The following BRWD1 variants were observed in gnomAD, a reference collection of about 807,000 sequenced individuals.
BRWD1 encodes bromodomain and WD repeat domain containing 1, also known as bromodomain and WD repeat-containing protein 1.
In BRWD1, 82 loss-of-function variants were observed where a neutral mutation model predicts 251.2. The observed-to-expected ratio is 0.33, with a 90% CI of 0.27 to 0.39. The LOEUF (loss-of-function observed/expected upper bound fraction) is 0.39, where lower values mean the gene tolerates loss of function less well. Among genes scored for constraint, BRWD1 ranks in the 10% least tolerant of loss-of-function variants. The probability of loss-of-function intolerance (pLI) is 1.00; values close to 1 mark genes in which losing one functional copy is unlikely to be tolerated. For missense variants in BRWD1, 2,233 were observed against 2,711.6 expected, an observed-to-expected ratio of 0.82 and a Z score of 3.92; for synonymous variants, 918 against 902.8, an observed-to-expected ratio of 1.02 and a Z score of -0.30.
intron 35 of BRWD1, among the ~76,000 whole-genome samples, chr21:39,210,493 C>T (rs2032607892): frequency 6.6e-6 from 1 of 151,996 alleles, no homozygotes; most frequent in Non-Finnish European, 1.5e-5. Flanking sequence ...CACGTTTATC[C>T]AATTCACAGT....
At chr21:39,237,711 C>T (rs2033858035) in intron 22 of BRWD1, among the ~76,000 whole-genome samples, 1 of 151,990 alleles carries the variant, frequency 6.6e-6, no homozygotes, top group Admixed American at 6.6e-5. Flanking sequence ...TTCCGTTTTG[C>T]AAGATAAACA....
At chr21:39,269,420 A>G (rs2035032516) in intron 15 of BRWD1, among the ~76,000 whole-genome samples, 1 of 151,926 alleles carries the variant, frequency 6.6e-6, no homozygotes, top group African/African-American at 2.4e-5. Context: ...CTCCTGTCTC[A>G]GCCTCCCAAA....
chr21:39,221,317 G>A (rs577255437), intron 29 of BRWD1, among the ~76,000 whole-genome samples: 33 of 152,194 alleles, frequency 2.2e-4, no homozygotes, highest in African/African-American at 7.5e-4. Flanking sequence ...AAATGTGTAT[G>A]AAACAAATAT....
At position 39,196,292 on chromosome 21, in the gene BRWD1, T is replaced by A. The variant is rs1204641609; in HGVS notation, c.6777A>T (p.Glu2259Asp). Reference protein sequence around the residue: ...YHDGDDDRSLENVLDFNGCTL With the variant: ...YHDGDDDRSLDNVLDFNGCTL ...TGCAACCATTGAAATCTAACACATT[T>A]TCTAAACTTCTGTCATCATCCCCAT... The change falls in exon 41 of 41, where the codon GAA becomes GAT. Residue 2259 changes from glutamate (E) to aspartate (D), a missense_variant. Physicochemically the swap from Glu to Asp is conservative, Grantham distance 45 (BLOSUM62 2). Transcript: ENST00000342449. 4 of 1,607,640 alleles carry A rather than the reference T, an allele frequency of 2.5e-6. No homozygotes were observed. The highest frequency in any genetic ancestry group is 2.5e-6 in the Non-Finnish European group (3 of 1,177,170).
chr21:39,289,878 A>G (rs937992936), intron 8 of BRWD1, among the ~76,000 whole-genome samples: 14 of 151,854 alleles, frequency 9.2e-5, no homozygotes, highest in Non-Finnish European at 1.8e-4. Context: ...ACAAAAAATT[A>G]GCCGGACGTG....
intron 26 of BRWD1, 74 bp downstream of exon 26, chr21:39,229,238 G>A (rs1379906433): frequency 1.6e-6 from 2 of 1,275,896 alleles, no homozygotes; most frequent in African/African-American, 1.5e-5. Context: ...AAATGGGAAG[G>A]GCATGCTAAT....
chr21:39,292,545 G>A (rs2035847142), intron 8 of BRWD1, among the ~76,000 whole-genome samples: 1 of 152,118 alleles, frequency 6.6e-6, no homozygotes, highest in Non-Finnish European at 1.5e-5. Context: ...GAAACTTTGG[G>A]AGTAGTGCCT....
At chr21:39,297,342 T>C (rs549693657) in intron 5 of BRWD1, 1 of 985,468 alleles carries the variant, frequency 1.0e-6, no homozygotes, top group East Asian at 1.1e-4. Flanking sequence ...TTACAAGGCA[T>C]CCTCCTGGGG....
Position 39,313,261 on chromosome 21 carries a change from G to A in BRWD1, c.88C>T (p.Pro30Ser). The A allele has an allele frequency of 6.4e-7, 1 of 1,550,716 alleles. No individual in the cohort carries two copies. The highest frequency in any genetic ancestry group is 8.7e-7 in the Non-Finnish European group (1 of 1,144,970). Reference sequence around the variant, plus strand: ...CTCACCTGGGCCGCTCTCCGACACGGGCCCGCCGATAGGTACCGGGCGATA... The same window carrying A: ...CTCACCTGGGCCGCTCTCCGACACGAGCCCGCCGATAGGTACCGGGCGATA... Reference protein sequence around the residue: ...FLIARYLSAGPCRRAAQVLVQ... With the variant: ...FLIARYLSAGSCRRAAQVLVQ... The change falls in exon 2 of 41, where the codon CCG becomes TCG. Residue 30 changes from proline to serine, a missense_variant. Pro to Ser is a moderately conservative substitution (Grantham distance 74). Transcript: ENST00000342449.
At chr21:39,268,297 G>A (rs1345685122) in intron 15 of BRWD1, among the ~76,000 whole-genome samples, 1 of 151,970 alleles carries the variant, frequency 6.6e-6, no homozygotes, top group African/African-American at 2.4e-5. Flanking sequence ...AAAATTAGCT[G>A]GATGTGATGG....
At chr21:39,239,144 T>C (rs1446579136) in intron 21 of BRWD1, among the ~76,000 whole-genome samples, 1 of 152,190 alleles carries the variant, frequency 6.6e-6, no homozygotes, top group Non-Finnish European at 1.5e-5. Context: ...TATCTTTTCA[T>C]TCTTTTAATA....
At chr21:39,273,970 C>G (rs551340890) in intron 13 of BRWD1, among the ~76,000 whole-genome samples, 1 of 152,250 alleles carries the variant, frequency 6.6e-6, no homozygotes, top group African/African-American at 2.4e-5. Flanking sequence ...TGTTTGCTTA[C>G]CCTATTTCCC....
intron 18 of BRWD1, among the ~76,000 whole-genome samples, chr21:39,257,540 C>T (rs1379995365): frequency 6.6e-6 from 1 of 151,690 alleles, no homozygotes; most frequent in Admixed American, 6.6e-5. Context: ...TAATTAAATC[C>T]TAAATTTTTT....
chr21:39,229,544 C>T (rs1191444998), intron 25 of BRWD1, 108 bp from the exon 26 acceptor site: 22 of 1,055,660 alleles, frequency 2.1e-5, no homozygotes, highest in Non-Finnish European at 3.0e-5. Context: ...CTTCCAAACC[C>T]GCAGACAAGT....
intron 4 of BRWD1, among the ~76,000 whole-genome samples, chr21:39,304,339 A>G (rs1006470898): frequency 6.6e-6 from 1 of 152,144 alleles, no homozygotes; most frequent in Non-Finnish European, 1.5e-5. Flanking sequence ...AGCAAGGCAC[A>G]GTGGCTCACA....
chr21:39,298,644 A>G (rs1316624174), intron 4 of BRWD1, 62 bp from the exon 5 acceptor site: 2 of 1,379,452 alleles, frequency 1.4e-6, no homozygotes, highest in East Asian at 2.5e-5. Context: ...TTAAATACTT[A>G]GGGATAAGTC....
rs745957731 is a variant in BRWD1 at position 39,186,992 on chromosome 21, G to C, written c.*9267C>G. ...CTGCCAGTTTACTTGTGTACCAATT[G>C]TTTTCAGATGCCACTTCTACATTCT... On this transcript the variant is annotated 3_prime_UTR_variant, in exon 41 of 41. Transcript: ENST00000342449. The C allele has an allele frequency of 1.1e-4, 169 of 1,520,584 alleles. 1 individual carries two copies. The highest frequency in any genetic ancestry group is 1.4e-4 in the Non-Finnish European group (161 of 1,140,458). 94.2% of individuals were successfully genotyped at this position (1,520,584 alleles called of 1,614,324 possible). A position where few individuals can be genotyped will look rare whatever the true frequency, so the allele number is the denominator to read the frequency against.
chr21:39,250,814 A>G lies in BRWD1; in HGVS notation c.2331T>C (p.Thr777=). The change falls in exon 20 of 41, where the codon ACT becomes ACC. Residue 777 remains threonine, a synonymous_variant. Transcript: ENST00000342449. ...AGGTTACCTTATGTGAGAGCTGAAG[A>G]GTCTTTCTTTTTCTTCCTATTATAT... The part of the protein sequence containing the change: ...NLYIIGRKRK[T]LQLSHKSDSV... 1 of 1,592,882 alleles carries G rather than the reference A, an allele frequency of 6.3e-7. No homozygotes were observed. The highest frequency in any genetic ancestry group is 8.6e-7 in the Non-Finnish European group (1 of 1,169,440).
intron 4 of BRWD1, among the ~76,000 whole-genome samples, chr21:39,311,951 C>T (rs1170477906): frequency 6.6e-6 from 1 of 152,176 alleles, no homozygotes; most frequent in Non-Finnish European, 1.5e-5. Context: ...AAAGATCACT[C>T]AGAAGCTCTT....
Sources: gnomAD v4.1 joint callset for allele counts (sites outside exome capture counted in the v4.1 genomes callset) on GRCh38, gnomAD v4.1.1 for gene constraint, MANE v1.5 for transcripts, NCBI Gene and HGNC (gene_info 2026-07-23, HGNC 2026-07-21) for gene names.